CDH6: variants seen among roughly 807,000 people sequenced by gnomAD.
The protein encoded by CDH6 is cadherin-6.
CDH6 carries 31 observed loss-of-function variants against 78.0 expected under a neutral mutation model. The ratio of observed to expected loss-of-function variants is 0.40; its 90% CI spans 0.30 to 0.54. The LOEUF (loss-of-function observed/expected upper bound fraction) is 0.54, where lower values mean the gene tolerates loss of function less well. Among genes scored for constraint, CDH6 ranks in the 20% least tolerant of loss-of-function variants. CDH6 has a pLI of 0.56. For missense variants in CDH6, 724 were observed against 975.9 expected, an observed-to-expected ratio of 0.74 and a Z score of 3.44; for synonymous variants, 376 against 368.8, an observed-to-expected ratio of 1.02 and a Z score of -0.23.
chr5:31,231,963 C>A (rs896437591), intron 1 of CDH6, among the ~76,000 whole-genome samples: 1 of 152,152 alleles, frequency 6.6e-6, no homozygotes, highest in Non-Finnish European at 1.5e-5. Context: ...AATTATGTTT[C>A]TTTTCAAATC....
At chr5:31,206,155 A>ATAGT (rs1406938211) in intron 1 of CDH6, among the ~76,000 whole-genome samples, 1 of 151,924 alleles carries the variant, frequency 6.6e-6, no homozygotes. Flanking sequence ...TAGATAGATG[A>ATAGT]TAGAATAGAT....
intron 2 of CDH6, among the ~76,000 whole-genome samples, chr5:31,291,367 G>A (rs932123372): frequency 1.3e-5 from 2 of 152,124 alleles, no homozygotes; most frequent in Non-Finnish European, 2.9e-5. Flanking sequence ...TCTTAAATTT[G>A]GGAGGCACTT....
At chr5:31,281,214 T>A (rs1742854854) in intron 2 of CDH6, among the ~76,000 whole-genome samples, 1 of 152,168 alleles carries the variant, frequency 6.6e-6, no homozygotes, top group Admixed American at 6.5e-5. Flanking sequence ...CACATTTTTT[T>A]AAATTTCTGC....
chr5:31,245,587 T>C (rs898537080), intron 1 of CDH6, among the ~76,000 whole-genome samples: 1 of 152,224 alleles, frequency 6.6e-6, no homozygotes, highest in African/African-American at 2.4e-5. Flanking sequence ...TACAGGGTTT[T>C]TACTTTTAAG....
At chr5:31,286,459 A>G (rs1743014133) in intron 2 of CDH6, among the ~76,000 whole-genome samples, 1 of 152,206 alleles carries the variant, frequency 6.6e-6, no homozygotes, top group Admixed American at 6.5e-5. Flanking sequence ...TGTCAAGGGA[A>G]CCACATGCAG....
chr5:31,268,187 T>C (rs1742415275), intron 2 of CDH6, among the ~76,000 whole-genome samples: 1 of 152,232 alleles, frequency 6.6e-6, no homozygotes, highest in Non-Finnish European at 1.5e-5. Context: ...ATGGAGCCCT[T>C]TGCTGTCAAA....
intron 1 of CDH6, among the ~76,000 whole-genome samples, chr5:31,201,683 G>T (rs1250846155): frequency 6.6e-6 from 1 of 152,128 alleles, no homozygotes; most frequent in African/African-American, 2.4e-5. Context: ...AAATCCAAAA[G>T]TCTGGGGACC....
intron 1 of CDH6, among the ~76,000 whole-genome samples, chr5:31,238,569 A>C (rs998486490): frequency 6.6e-6 from 1 of 152,230 alleles, no homozygotes; most frequent in Non-Finnish European, 1.5e-5. Flanking sequence ...TTATGGCAGT[A>C]AGAAAGTAGT....
At chr5:31,315,550 T>C in intron 8 of CDH6, among the ~76,000 whole-genome samples, 1 of 152,236 alleles carries the variant, frequency 6.6e-6, no homozygotes, top group East Asian at 1.9e-4. Flanking sequence ...TGATTCCGCT[T>C]TATCATTAAT....
intron 7 of CDH6, among the ~76,000 whole-genome samples, chr5:31,307,043 G>A (rs1738009684): frequency 6.6e-6 from 1 of 152,092 alleles, no homozygotes; most frequent in Admixed American, 6.6e-5. Context: ...CAGCGAGGAG[G>A]CCTCCGCAGC....
intron 1 of CDH6, among the ~76,000 whole-genome samples, chr5:31,252,236 A>G (rs142961958): frequency 3.4e-4 from 52 of 152,314 alleles, no homozygotes; most frequent in African/African-American, 1.2e-3. Context: ...TAAGAAAGAA[A>G]TTCTACATTA....
chr5:31,307,238 G>A (rs967546368), intron 7 of CDH6, among the ~76,000 whole-genome samples: 7 of 152,158 alleles, frequency 4.6e-5, no homozygotes, highest in South Asian at 2.1e-4. Context: ...CTAAAACTCC[G>A]TTTTAAAAGG....
At chr5:31,204,247 T>G (rs950053814) in intron 1 of CDH6, among the ~76,000 whole-genome samples, 9 of 152,204 alleles carry the variant, frequency 5.9e-5, no homozygotes, top group Non-Finnish European at 8.8e-5. Flanking sequence ...TTAGAAAACT[T>G]TTTCTTCTTG....
At chr5:31,200,455 C>T (rs7712063) in intron 1 of CDH6, among the ~76,000 whole-genome samples, 138,691 of 151,816 alleles carry the variant, frequency 0.91, 63,531 homozygotes, top group East Asian at 1. Flanking sequence ...TGTCCTTCTT[C>T]ATCTAGTAAG....
At chr5:31,297,149 TCACCCAGCATCC>T in intron 3 of CDH6, 128 bp from the exon 4 acceptor site, 2 of 708,386 alleles carry the variant, frequency 2.8e-6, no homozygotes, top group Admixed American at 2.5e-5. Flanking sequence ...CAATCCTTTT[TCACCCAGCATCC>T]TACCAAAGTT....
chr5:31,249,211 C>T (rs1290913402), intron 1 of CDH6: 1 of 152,140 alleles, frequency 6.6e-6, no homozygotes, highest in Non-Finnish European at 1.5e-5. Flanking sequence ...CTTTCCTTCA[C>T]AGCACAAATG....
At position 31,325,187 on chromosome 5, in the gene CDH6, A is replaced by G. The variant is rs1033982015; in HGVS notation, c.*1879A>G. The stretch of plus-strand genomic sequence containing the variant: ...CTGATTAGAGTGAAAATTTTTTACA[A>G]TCATATTATTCCTTGTGTCTTCTGA... On this transcript the variant is annotated 3_prime_UTR_variant, in exon 12 of 12. Transcript: ENST00000265071. The G allele has an allele frequency of 8.7e-6, 2 of 228,764 alleles. No individual in the cohort carries two copies. The highest frequency in any genetic ancestry group is 1.7e-5 in the Non-Finnish European group (2 of 115,232). 14.2% of individuals were successfully genotyped at this position (228,764 alleles called of 1,614,324 possible). A position where few individuals can be genotyped will look rare whatever the true frequency, so the allele number is the denominator to read the frequency against.
At chr5:31,232,672 C>T (rs540411589) in intron 1 of CDH6, among the ~76,000 whole-genome samples, 1 of 152,182 alleles carries the variant, frequency 6.6e-6, no homozygotes, top group Admixed American at 6.5e-5. Context: ...CCAATGAAAA[C>T]ATATCAAGTC....
At chr5:31,302,847 A>G (rs554505997) in intron 6 of CDH6, among the ~76,000 whole-genome samples, 1 of 148,256 alleles carries the variant, frequency 6.7e-6, no homozygotes, top group African/African-American at 2.5e-5. Flanking sequence ...AAAGAAAGAA[A>G]GAAAGAGAAA....
Sources: gnomAD v4.1 joint callset for allele counts (sites outside exome capture counted in the v4.1 genomes callset) on GRCh38, gnomAD v4.1.1 for gene constraint, MANE v1.5 for transcripts, NCBI Gene and HGNC (gene_info 2026-07-23, HGNC 2026-07-21) for gene names.